SLC44A1: variants seen among roughly 807,000 people sequenced by gnomAD.
SLC44A1 encodes the protein solute carrier family 44 member 1.
SLC44A1 carries 26 observed loss-of-function variants against 79.3 expected under a neutral mutation model. The ratio of observed to expected loss-of-function variants is 0.33; its 90% CI spans 0.24 to 0.46. SLC44A1 has a LOEUF of 0.46. SLC44A1 is among the 20% of genes least tolerant of loss of function. The pLI, the probability that SLC44A1 is intolerant of heterozygous loss-of-function variation, is 1.00. For missense variants in SLC44A1, 688 were observed against 798.1 expected (o/e 0.86, Z 1.66); for synonymous variants, 263 against 286.2 (o/e 0.92, Z 0.82).
At chr9:105,321,841 T>A (rs1477204857) in intron 3 of SLC44A1, among the ~76,000 whole-genome samples, 3 of 151,632 alleles carry the variant, frequency 2.0e-5, no homozygotes, top group Non-Finnish European at 4.4e-5. Flanking sequence ...AGAGATATAA[T>A]CTACTTCTGG....
chr9:105,374,477 A>T, intron 12 of SLC44A1, 121 bp from the exon 13 acceptor site: 1 of 847,634 alleles, frequency 1.2e-6, no homozygotes, highest in Non-Finnish European at 1.9e-6. Flanking sequence ...GTACCTCATT[A>T]AAGGGTGCCA....
intron 1 of SLC44A1, among the ~76,000 whole-genome samples, chr9:105,266,209 C>T (rs1232461689): frequency 1.3e-5 from 2 of 152,144 alleles, no homozygotes; most frequent in Non-Finnish European, 2.9e-5. Flanking sequence ...TCAACCGATC[C>T]TCCTTTCTTG....
At chr9:105,354,486 T>G (rs1827558202) in intron 5 of SLC44A1, among the ~76,000 whole-genome samples, 1 of 152,246 alleles carries the variant, frequency 6.6e-6, no homozygotes, top group South Asian at 2.1e-4. Context: ...TACCTGTAAT[T>G]CAAGCATTTC....
At chr9:105,388,950 A>G in intron 15 of SLC44A1, 83 bp from the exon 16 acceptor site, 2 of 1,019,298 alleles carry the variant, frequency 2.0e-6, no homozygotes, top group Non-Finnish European at 3.1e-6. Context: ...GTTTGTGACC[A>G]TGTGTATATT....
At chr9:105,401,906 G>A (rs1828963333), downstream of SLC44A1, among the ~76,000 whole-genome samples, 1 of 152,196 alleles carries the variant, frequency 6.6e-6, no homozygotes, top group Non-Finnish European at 1.5e-5. Context: ...ATAGTAGAGA[G>A]TGCTTTGGAG....
chr9:105,372,945 G>A (rs1250464595), intron 12 of SLC44A1, among the ~76,000 whole-genome samples: 4 of 139,236 alleles, frequency 2.9e-5, no homozygotes, highest in Non-Finnish European at 4.6e-5. Flanking sequence ...GCGAGACTCC[G>A]TCTCAAAAAA....
chr9:105,284,228 C>CTT (rs34449378), intron 1 of SLC44A1, among the ~76,000 whole-genome samples: 5 of 132,134 alleles, frequency 3.8e-5, no homozygotes, highest in African/African-American at 5.6e-5. Flanking sequence ...CAAATACAGT[C>CTT]TTTTTTTTTT....
intron 1 of SLC44A1, among the ~76,000 whole-genome samples, chr9:105,275,369 G>C (rs367726051): frequency 6.6e-6 from 1 of 152,178 alleles, no homozygotes; most frequent in African/African-American, 2.4e-5. Flanking sequence ...TCTAAGCTTA[G>C]TAAATTCATC....
rs1321773713 is a variant in SLC44A1 at position 105,392,401 on chromosome 9, CTCTTTTTT to C, written c.*3347_*3354del. The stretch of plus-strand genomic sequence containing the variant: ...TTGTAGAGATGCTCTCTCTCTCTCT[CTCTTTTTT>C]TTTTTTTTTTTTTTTTTTTTTCCGT... On this transcript the variant is annotated 3_prime_UTR_variant, in exon 16 of 16. Coordinates refer to ENST00000374720, the MANE Select transcript of SLC44A1 (RefSeq NM_080546.5). 140 of 318,860 alleles carry C rather than the reference CTCTTTTTT, an allele frequency of 4.4e-4. No homozygotes were observed. Among genetic ancestry groups the C allele is most frequent in the Middle Eastern group, 1.3e-3 (1 of 784 alleles). 19.8% of individuals were successfully genotyped at this position (318,860 alleles called of 1,614,324 possible).
At chr9:105,322,511 G>A (rs10820798) in intron 3 of SLC44A1, among the ~76,000 whole-genome samples, 42,875 of 152,036 alleles carry the variant, frequency 0.28, 7,976 homozygotes, top group African/African-American at 0.54. Context: ...GTGTATCTAT[G>A]GTTGTCATTA....
At chr9:105,325,553 G>C (rs984049407) in intron 3 of SLC44A1, among the ~76,000 whole-genome samples, 13 of 152,202 alleles carry the variant, frequency 8.5e-5, no homozygotes, top group African/African-American at 3.1e-4. Context: ...ATCACATGAT[G>C]AGGGGTCGAG....
chr9:105,327,993 A>T (rs1826632815), intron 3 of SLC44A1, among the ~76,000 whole-genome samples: 1 of 152,220 alleles, frequency 6.6e-6, no homozygotes, highest in African/African-American at 2.4e-5. Flanking sequence ...TAGGTGTTTG[A>T]TAAAATTCTT....
intron 15 of SLC44A1, among the ~76,000 whole-genome samples, chr9:105,408,308 G>T (rs1358419536): frequency 6.6e-6 from 1 of 152,094 alleles, no homozygotes; most frequent in Non-Finnish European, 1.5e-5. Context: ...AGTAACTCTA[G>T]CTATACAAAA....
chr9:105,334,577 G>A (rs538859624), intron 3 of SLC44A1, among the ~76,000 whole-genome samples: 165 of 152,256 alleles, frequency 1.1e-3, no homozygotes, highest in African/African-American at 3.5e-3. Flanking sequence ...GGACTCAGTG[G>A]AATTGAACCC....
intron 15 of SLC44A1, among the ~76,000 whole-genome samples, chr9:105,437,363 CTATAGA>C (rs1403380864): frequency 1.3e-5 from 2 of 151,592 alleles, no homozygotes; most frequent in African/African-American, 2.4e-5. Flanking sequence ...ATATAGATGT[CTATAGA>C]TATAGATATA....
chr9:105,427,476 C>T (rs1001293449), intron 15 of SLC44A1, among the ~76,000 whole-genome samples: 15 of 152,012 alleles, frequency 9.9e-5, no homozygotes, highest in South Asian at 2.1e-4. Flanking sequence ...GGTCTCACTA[C>T]GTTGCTCAGG....
At chr9:105,386,355 TA>T (rs1426227644) in intron 15 of SLC44A1, 5 of 946,750 alleles carry the variant, frequency 5.3e-6, no homozygotes, top group Non-Finnish European at 6.3e-6. Context: ...TTTCAAATAT[TA>T]TATAATTGTC....
chr9:105,390,499 G>A lies in SLC44A1; in HGVS notation c.*1443G>A. 1 of 965,972 alleles carries A rather than the reference G, an allele frequency of 1.0e-6. No homozygotes were observed. Among genetic ancestry groups the A allele is most frequent in the Non-Finnish European group, 1.2e-6 (1 of 822,536 alleles). 59.8% of individuals were successfully genotyped at this position (965,972 alleles called of 1,614,324 possible). A position where few individuals can be genotyped will look rare whatever the true frequency, so the allele number is the denominator to read the frequency against. Reference sequence around the variant, plus strand: ...TGGAAGGAGAATCTTTTGAAAGAAAGCATTGCCTCCTACCAGAACTAGACA... The same window carrying A: ...TGGAAGGAGAATCTTTTGAAAGAAAACATTGCCTCCTACCAGAACTAGACA... On this transcript the variant is annotated 3_prime_UTR_variant, in exon 16 of 16. Coordinates refer to ENST00000374720, the MANE Select transcript of SLC44A1 (RefSeq NM_080546.5).
At chr9:105,376,332 CACACACACACACACACACT>C (rs746680720) in intron 13 of SLC44A1, among the ~76,000 whole-genome samples, 3,395 of 143,300 alleles carry the variant, frequency 0.024, 39 homozygotes, top group Middle Eastern at 0.04. Flanking sequence ...CACACACACA[CACACACACACACACACACT>C]ACACACACAC....
Sources: gnomAD v4.1 joint callset for allele counts (sites outside exome capture counted in the v4.1 genomes callset) on GRCh38, gnomAD v4.1.1 for gene constraint, MANE v1.5 for transcripts, NCBI Gene and HGNC (gene_info 2026-07-23, HGNC 2026-07-21) for gene names.